TMEM178B: variants seen among roughly 807,000 people sequenced by gnomAD.
The protein encoded by TMEM178B is transmembrane protein 178B.
A neutral mutation model predicts 31.0 loss-of-function variants in TMEM178B; 5 were observed. The observed-to-expected ratio is 0.16, with a 90% CI of 0.08 to 0.34. The LOEUF (loss-of-function observed/expected upper bound fraction) is 0.34, where lower values mean the gene tolerates loss of function less well. Among genes scored for constraint, TMEM178B ranks in the 10% least tolerant of loss-of-function variants. The pLI, the probability that TMEM178B is intolerant of heterozygous loss-of-function variation, is 1.00. For synonymous variants in TMEM178B, 164 were observed against 164.0 expected (o/e 1.00, Z 0.00); for missense variants, 275 against 400.3 (o/e 0.69, Z 2.67).
At chr7:141,147,319 AGGTGAGGCTGGGTGGT>A (rs1338997056) in intron 1 of TMEM178B, among the ~76,000 whole-genome samples, 2 of 150,350 alleles carry the variant, frequency 1.3e-5, no homozygotes, top group South Asian at 2.1e-4. Context: ...GGTGCAGAGG[AGGTGAGGCTGGGTGGT>A]GGTGAGGCTG....
chr7:141,399,323 A>G (rs1281609596), intron 2 of TMEM178B, among the ~76,000 whole-genome samples: 2 of 152,198 alleles, frequency 1.3e-5, no homozygotes, highest in African/African-American at 4.8e-5. Flanking sequence ...CTTGGGTAAC[A>G]CTGGAGTCTA....
At chr7:141,360,642 T>C (rs1487227793) in intron 2 of TMEM178B, among the ~76,000 whole-genome samples, 1 of 152,196 alleles carries the variant, frequency 6.6e-6, no homozygotes. Context: ...ACTAACTCTG[T>C]AGGAATCCAT....
At chr7:141,465,434 C>A (rs1371332927) in intron 3 of TMEM178B, among the ~76,000 whole-genome samples, 1 of 152,082 alleles carries the variant, frequency 6.6e-6, no homozygotes, top group East Asian at 2.0e-4. Flanking sequence ...AGTTTGCCAC[C>A]AAACCACAGG....
chr7:141,494,200 C>G, the TMEM178B span, among the ~76,000 whole-genome samples: 1 of 152,316 alleles, frequency 6.6e-6, no homozygotes, highest in Non-Finnish European at 1.5e-5. Context: ...AGATAAGGAT[C>G]CCCTGACTCT....
chr7:141,453,567 G>A (rs1195988517), intron 3 of TMEM178B, among the ~76,000 whole-genome samples: 1 of 152,238 alleles, frequency 6.6e-6, no homozygotes, highest in Non-Finnish European at 1.5e-5. Flanking sequence ...GTAGAGGCAC[G>A]TAAGTGCTCA....
Position 141,324,762 on chromosome 7 carries a change from A to G in TMEM178B, c.496+112058A>G, listed in dbSNP as rs1363442417. Among the ~76,000 whole-genome samples, 6 of 152,240 alleles carry G rather than the reference A, an allele frequency of 3.9e-5. No individual in the cohort carries two copies. In the East Asian group the frequency reaches 5.8e-4, roughly 15 times the overall value. ...TGTATGTGTGTGTGTGTGCACGCAC[A>G]CATTTGTTTTAGCCATAAATCTGTT... On this transcript the variant is annotated intron_variant, in intron 2 of 3. Transcript: ENST00000565468.
At chr7:141,115,705 A>G (rs1795307280) in intron 1 of TMEM178B, among the ~76,000 whole-genome samples, 1 of 152,152 alleles carries the variant, frequency 6.6e-6, no homozygotes, top group African/African-American at 2.4e-5. Context: ...TGCTAGAAGC[A>G]AGGATCCCTG....
intron 3 of TMEM178B, among the ~76,000 whole-genome samples, chr7:141,462,343 G>A (rs962869697): frequency 6.6e-6 from 1 of 152,146 alleles, no homozygotes; most frequent in Admixed American, 6.6e-5. Flanking sequence ...TTTGTGTGTG[G>A]CCAGGGAACA....
intron 2 of TMEM178B, among the ~76,000 whole-genome samples, chr7:141,406,395 C>T (rs775476090): frequency 1.3e-5 from 2 of 152,164 alleles, no homozygotes; most frequent in African/African-American, 4.8e-5. Flanking sequence ...ATCCTCTCTC[C>T]CAGATTATGA....
intron 2 of TMEM178B, among the ~76,000 whole-genome samples, chr7:141,338,999 A>G (rs1289300432): frequency 3.3e-5 from 5 of 152,156 alleles, no homozygotes; most frequent in Admixed American, 1.3e-4. Flanking sequence ...GGGGACTTCC[A>G]TGGCGGGTGT....
downstream of TMEM178B, among the ~76,000 whole-genome samples, chr7:141,481,872 G>A (rs775784014): frequency 5.3e-5 from 8 of 152,152 alleles, no homozygotes; most frequent in Non-Finnish European, 1.2e-4. Context: ...GAATTAAAGA[G>A]TGTCTGCCCC....
At chr7:141,163,898 A>T (rs1796218557) in intron 1 of TMEM178B, among the ~76,000 whole-genome samples, 1 of 152,198 alleles carries the variant, frequency 6.6e-6, no homozygotes, top group Non-Finnish European at 1.5e-5. Flanking sequence ...GATAGTGAAC[A>T]CTGAATGATT....
At chr7:141,194,626 G>T (rs1330220744) in intron 1 of TMEM178B, among the ~76,000 whole-genome samples, 1 of 152,152 alleles carries the variant, frequency 6.6e-6, no homozygotes, top group Non-Finnish European at 1.5e-5. Context: ...TTTTCTAGGT[G>T]CACGATGCAA....
At chr7:141,161,912 G>C (rs973135506) in intron 1 of TMEM178B, among the ~76,000 whole-genome samples, 1 of 151,024 alleles carries the variant, frequency 6.6e-6, no homozygotes, top group Non-Finnish European at 1.5e-5. Context: ...GAGTGTGCAA[G>C]AGCATGTGAG....
In TMEM178B at chr7:141,474,888, T is replaced by C. The variant is rs1022024639; in HGVS notation, c.*4102T>C. 2 of 152,228 alleles carry C rather than the reference T, an allele frequency of 1.3e-5. No homozygotes were observed. Among genetic ancestry groups the C allele is most frequent in the Non-Finnish European group, 2.9e-5 (2 of 68,046 alleles). 9.4% of individuals were successfully genotyped at this position (152,228 alleles called of 1,614,324 possible). On this transcript the variant is annotated 3_prime_UTR_variant, in exon 4 of 4. Transcript: ENST00000565468. ...GAGGCATTTAGAATGGACTCTCTCTTCACCTGGATTATGTGCTGAGTGTTA... is the reference window on the plus strand; with the variant it reads ...GAGGCATTTAGAATGGACTCTCTCTCCACCTGGATTATGTGCTGAGTGTTA...
At chr7:141,307,838 A>G (rs1487637591) in intron 2 of TMEM178B, among the ~76,000 whole-genome samples, 1 of 152,182 alleles carries the variant, frequency 6.6e-6, no homozygotes, top group East Asian at 1.9e-4. Context: ...GACTCACTTA[A>G]TCGACATGTT....
chr7:141,447,475 G>A (rs1028000699), intron 3 of TMEM178B, among the ~76,000 whole-genome samples: 17 of 152,032 alleles, frequency 1.1e-4, no homozygotes, highest in Non-Finnish European at 5.9e-5. Context: ...AGATGACTCC[G>A]CCAAGAGCAG....
intron 3 of TMEM178B, among the ~76,000 whole-genome samples, chr7:141,440,759 A>C (rs566295581): frequency 2.0e-5 from 3 of 152,272 alleles, no homozygotes; most frequent in African/African-American, 7.2e-5. Flanking sequence ...GCTGTTCTAA[A>C]AGCTGCCTCT....
At chr7:141,198,876 G>A (rs904404280) in intron 1 of TMEM178B, among the ~76,000 whole-genome samples, 1 of 152,232 alleles carries the variant, frequency 6.6e-6, no homozygotes, top group Non-Finnish European at 1.5e-5. Flanking sequence ...CAGGCAGGGT[G>A]GTGGCAGCTC....
Sources: allele counts gnomAD v4.1 joint callset (sites outside exome capture counted in the v4.1 genomes callset), GRCh38; gene constraint gnomAD v4.1.1; transcripts MANE v1.5; gene names NCBI Gene and HGNC (gene_info 2026-07-23, HGNC 2026-07-21).